Variants in SPPL2B observed in about 807,000 individuals in gnomAD.
SPPL2B encodes signal peptide peptidase like 2B.
A neutral mutation model predicts 59.7 loss-of-function variants in SPPL2B; 39 were observed. That is an observed-to-expected ratio of 0.65 (90% confidence interval 0.51 to 0.85). The LOEUF is 0.85. Ranked by LOEUF, SPPL2B falls within the 40% of genes least tolerant of loss-of-function variation. SPPL2B has a pLI of 0.00. For synonymous variants in SPPL2B, 419 were observed against 370.8 expected (o/e 1.13, Z -1.49); for missense variants, 865 against 849.0 (o/e 1.02, Z -0.23).
At chr19:2,337,646 C>G (rs376123538) in intron 3 of SPPL2B, 21 bp downstream of exon 3, 3 of 1,526,366 alleles carry the variant, frequency 2.0e-6, no homozygotes, top group African/African-American at 1.4e-5. Flanking sequence ...GTGCGTCCCC[C>G]GCTGGGCCAG....
At chr19:2,329,650 C>T (rs1428409046) in intron 1 of SPPL2B, among the ~76,000 whole-genome samples, 1 of 152,232 alleles carries the variant, frequency 6.6e-6, no homozygotes, top group Non-Finnish European at 1.5e-5. Flanking sequence ...GTCGCCGCCA[C>T]CTGGCTCCTC....
intron 13 of SPPL2B, among the ~76,000 whole-genome samples, chr19:2,347,066 C>T (rs772243910): frequency 1.8e-4 from 27 of 152,228 alleles, no homozygotes; most frequent in Non-Finnish European, 3.4e-4. Flanking sequence ...TCCCGTGTGC[C>T]CCGTTCTCAG....
Position 2,328,693 on chromosome 19 carries a change from G to A in SPPL2B, c.-17G>A, listed in dbSNP as rs1284677534. The A allele has an allele frequency of 6.3e-6, 9 of 1,433,340 alleles. No homozygotes were observed. Among genetic ancestry groups the A allele is most frequent in the African/African-American group, 3.0e-5 (2 of 66,508 alleles). The allele number at this position is 1,433,340 out of a possible 1,614,324, so 88.8% of individuals were successfully genotyped here. On this transcript the variant is annotated 5_prime_UTR_variant, in exon 1 of 15. Coordinates refer to ENST00000613503, the MANE Select transcript of SPPL2B (RefSeq NM_152988.3). The stretch of plus-strand genomic sequence containing the variant: ...CTGGGAAACATCTGCCGTTGGTTGC[G>A]GCGGGCACCGGCCGACATGGCGGCA...
chr19:2,339,084 G>A lies in SPPL2B; in HGVS notation c.475G>A (p.Val159Met). The A allele has an allele frequency of 6.4e-7, 1 of 1,562,384 alleles. No homozygotes were observed. The highest frequency in any genetic ancestry group is 2.4e-5 in the East Asian group (1 of 41,776). ...CTTGAGGCAGCGTTTCGGCCGCACGGTGAGGGCGGCGCTGTATGCGCCTAA... is the reference window on the plus strand; with the variant it reads ...CTTGAGGCAGCGTTTCGGCCGCACGATGAGGGCGGCGCTGTATGCGCCTAA... ...LDIFTRFGRT[V>M]RAALYAPKEP... Residue 159 changes from valine (V) to methionine (M), a missense_variant, in exon 5 of 15, where the codon GTG (valine) becomes ATG (methionine). Physicochemically the swap from Val to Met is conservative, Grantham distance 21 (BLOSUM62 1). Transcript: ENST00000613503.
rs375594733 is a variant in SPPL2B at position 2,340,081 on chromosome 19, G to A, written c.748G>A (p.Val250Met). 41 of 1,593,692 alleles carry A rather than the reference G, an allele frequency of 2.6e-5. No individual in the cohort carries two copies. Among genetic ancestry groups the A allele is most frequent in the Non-Finnish European group, 3.4e-5 (40 of 1,174,716 alleles). The part of the protein sequence containing the change: ...LYYFYDLLVY[V>M]VIGIFCLASA... Reference sequence around the variant, plus strand: ...TCACGGCCCTGCCCCTGCAGTGTACGTGGTCATCGGGATCTTCTGCCTGGC... The same window carrying A: ...TCACGGCCCTGCCCCTGCAGTGTACATGGTCATCGGGATCTTCTGCCTGGC... Residue 250 changes from valine to methionine, a missense_variant, in exon 7 of 15, where the codon GTG becomes ATG. Transcript: ENST00000613503.
chr19:2,338,458 T>G (rs1045111246), intron 3 of SPPL2B: 2 of 315,318 alleles, frequency 6.3e-6, no homozygotes, highest in African/African-American at 4.4e-5. Context: ...CAAGTATCAC[T>G]CAGGACTTGT....
chr19:2,351,531 G>T lies in SPPL2B; in HGVS notation c.1452G>T (p.Thr484=), dbSNP rs1449600937. ...ACCTGGTGCCCTGCACGCTGGTGACGAGCTGCGCTGTGGCGCTCTGGCGCC... is the reference window on the plus strand; with the variant it reads ...ACCTGGTGCCCTGCACGCTGGTGACTAGCTGCGCTGTGGCGCTCTGGCGCC... ...LLYLVPCTLV[T]SCAVALWRRE... is the part of the protein sequence containing the mutation. Residue 484 remains threonine (T), a synonymous_variant, in exon 14 of 15, where the codon ACG becomes ACT. Transcript: ENST00000613503. 1.2e-6 allele frequency: 2 copies of T among 1,611,206 alleles called. No individual in the cohort carries two copies. The highest frequency in any genetic ancestry group is 1.7e-6 in the Non-Finnish European group (2 of 1,179,558).
chr19:2,341,331 C>T (rs961658601), intron 8 of SPPL2B: 2 of 552,916 alleles, frequency 3.6e-6, no homozygotes, highest in African/African-American at 1.9e-5. Flanking sequence ...CACAGTCTGT[C>T]CCCCGCTGTC....
intron 4 of SPPL2B, 46 bp from the exon 5 acceptor site, chr19:2,339,023 T>TGGC: frequency 6.5e-7 from 1 of 1,533,758 alleles, no homozygotes; most frequent in Non-Finnish European, 8.8e-7. Context: ...GACCCATGGC[T>TGGC]GGCGGGTGGC....
intron 3 of SPPL2B, chr19:2,338,407 G>A: frequency 5.1e-6 from 1 of 197,532 alleles, no homozygotes; most frequent in Admixed American, 5.7e-5. Context: ...CTCAGTGGGT[G>A]CGGGGCTCAA....
rs754834119 is a variant in SPPL2B at position 2,339,070 on chromosome 19, G to A, written c.461G>A (p.Arg154His). 1.7e-5 allele frequency: 26 copies of A among 1,555,436 alleles called. No homozygotes were observed. The South Asian group carries it at 2.2e-4, about 13-fold the overall frequency. Residue 154 changes from arginine (R) to histidine (H), a missense_variant and splice_region_variant, in exon 5 of 15, where the codon CGT becomes CAT. Arg to His is a conservative substitution (Grantham distance 29). Transcript: ENST00000613503. ...SYKDMLDIFT[R>H]FGRTVRAALY... ...CCTCCGGTGTGTTCCTTGAGGCAGC[G>A]TTTCGGCCGCACGGTGAGGGCGGCG...
rs1969266555 is a variant in SPPL2B at position 2,344,656 on chromosome 19, C to T, written c.1276+4C>T. On this transcript the variant is annotated splice_donor_region_variant and intron_variant, in intron 12 of 14. Transcript: ENST00000613503. ...TTCGGAGACATTTTGGTGCCAGGTACTGAGGCGGGTGGAGCACACGGGTCC... is the reference window on the plus strand; with the variant it reads ...TTCGGAGACATTTTGGTGCCAGGTATTGAGGCGGGTGGAGCACACGGGTCC... 2.5e-6 allele frequency: 4 copies of T among 1,596,392 alleles called. No individual in the cohort carries two copies. In the East Asian group the frequency reaches 8.9e-5, roughly 36 times the overall value.
intron 8 of SPPL2B, 35 bp downstream of exon 8, chr19:2,341,049 C>T (rs55818311): frequency 0.65 from 990,442 of 1,518,370 alleles, 326,968 homozygotes; most frequent in Non-Finnish European, 0.68. Context: ...CGGCGGGCAG[C>T]GGAGTCCTCG....
chr19:2,334,503 T>TCCTGGAGGCGTCCTC (rs1363608081), intron 1 of SPPL2B, 99 bp from the exon 2 acceptor site: 1 of 1,469,460 alleles, frequency 6.8e-7, no homozygotes. Flanking sequence ...TGGGCGCCCT[T>TCCTGGAGGCGTCCTC]CCTGGAGGCG....
intron 8 of SPPL2B, chr19:2,341,588 CG>C: frequency 2.2e-6 from 1 of 456,262 alleles, no homozygotes; most frequent in Non-Finnish European, 4.4e-6. Flanking sequence ...CGTCCCCGCC[CG>C]GTCCCCACCG....
chr19:2,348,689 G>A (rs1393491801), intron 13 of SPPL2B, among the ~76,000 whole-genome samples: 2 of 128,804 alleles, frequency 1.6e-5, no homozygotes, highest in Admixed American at 8.1e-5. Flanking sequence ...GCTCTCATTC[G>A]CTTGATTCCG....
chr19:2,334,668 T>C lies in SPPL2B; in HGVS notation c.133T>C (p.Cys45Arg). ...CGGGGGCCCCGAAGGCAAAGACTACTGCATCCTCTACAACCCGCAGTGGGC... is the reference window on the plus strand; with the variant it reads ...CGGGGGCCCCGAAGGCAAAGACTACCGCATCCTCTACAACCCGCAGTGGGC... Reference protein sequence around the residue: ...QAGGPEGKDYCILYNPQWAHL... With the variant: ...QAGGPEGKDYRILYNPQWAHL... Residue 45 changes from cysteine to arginine, a missense_variant, in exon 2 of 15, where the codon TGC (cysteine) becomes CGC (arginine). Cys to Arg is a radical substitution (Grantham distance 180, BLOSUM62 -3). Coordinates refer to ENST00000613503, the MANE Select transcript of SPPL2B (RefSeq NM_152988.3). The C allele has an allele frequency of 6.2e-7, 1 of 1,613,108 alleles. No homozygotes were observed. Among genetic ancestry groups the C allele is most frequent in the Non-Finnish European group, 8.5e-7 (1 of 1,179,520 alleles).
chr19:2,352,149 G>A (rs1376740304), intron 14 of SPPL2B, among the ~76,000 whole-genome samples: 3 of 150,470 alleles, frequency 2.0e-5, no homozygotes. Flanking sequence ...CGTCGGTTCT[G>A]CTCTTGTGAT....
chr19:2,351,744 G>C, intron 14 of SPPL2B, 150 bp downstream of exon 14: 1 of 1,066,034 alleles, frequency 9.4e-7, no homozygotes. Flanking sequence ...TGTCATGCGC[G>C]TGAGGCCCCG....
Sources: allele counts gnomAD v4.1 joint callset (sites outside exome capture counted in the v4.1 genomes callset), GRCh38; gene constraint gnomAD v4.1.1; transcripts MANE v1.5; gene names NCBI Gene and HGNC (gene_info 2026-07-23, HGNC 2026-07-21).